DROSHA: variants seen among roughly 807,000 people sequenced by gnomAD.
DROSHA encodes ribonuclease 3.
A neutral mutation model predicts 181.9 loss-of-function variants in DROSHA; 56 were observed. That is an observed-to-expected ratio of 0.31 (90% CI 0.25 to 0.38). The LOEUF (loss-of-function observed/expected upper bound fraction) is 0.38. DROSHA is among the 10% of genes least tolerant of loss of function. The pLI is 1.00. For missense variants in DROSHA, 1,218 were observed against 1,743.5 expected (o/e 0.70, Z 5.37); for synonymous variants, 524 against 591.2 (o/e 0.89, Z 1.65).
chr5:31,428,867 C>T (rs548859460), intron 27 of DROSHA, among the ~76,000 whole-genome samples: 51 of 152,258 alleles, frequency 3.3e-4, no homozygotes, highest in African/African-American at 1.2e-3. Flanking sequence ...TACTCTATTA[C>T]ATGCAGGATT....
chr5:31,421,215 T>C, intron 30 of DROSHA, 57 bp downstream of exon 30: 4 of 1,372,312 alleles, frequency 2.9e-6, no homozygotes, highest in Non-Finnish European at 4.2e-6. Context: ...TTGACCCCTC[T>C]AATCTTCACT....
intron 11 of DROSHA, among the ~76,000 whole-genome samples, chr5:31,501,056 C>G (rs1341931282): frequency 1.3e-5 from 2 of 152,140 alleles, no homozygotes; most frequent in African/African-American, 4.8e-5. Flanking sequence ...GTGGCCAGAT[C>G]CCAGGAGGAA....
intron 14 of DROSHA, among the ~76,000 whole-genome samples, chr5:31,486,157 A>T (rs1751725872): frequency 6.6e-6 from 1 of 152,206 alleles, no homozygotes; most frequent in Non-Finnish European, 1.5e-5. Flanking sequence ...CAGCTATCAG[A>T]TTGTTTCACT....
At chr5:31,511,717 A>AAGAAACATT (rs1476252820) in intron 8 of DROSHA, among the ~76,000 whole-genome samples, 1 of 151,888 alleles carries the variant, frequency 6.6e-6, no homozygotes, top group Non-Finnish European at 1.5e-5. Context: ...AAAAACAGAA[A>AAGAAACATT]AGAAACATTA....
Position 31,452,068 on chromosome 5 carries a change from C to T in DROSHA, c.2575-428G>A, listed in dbSNP as rs1275498502. On this transcript the variant is annotated intron_variant, in intron 20 of 35. Transcript: ENST00000344624. ...TAGCCCTGGTTCTATCAGTATTCAG[C>T]AGGGTAGCTTCGAGTAAGTCACATG... Among the ~76,000 whole-genome samples, 3 of 152,324 alleles carry T rather than the reference C, an allele frequency of 2.0e-5. No individual in the cohort carries two copies. The South Asian group carries it at 6.2e-4, about 32-fold the overall frequency.
intron 18 of DROSHA, among the ~76,000 whole-genome samples, chr5:31,466,927 G>A (rs1323076341): frequency 2.0e-5 from 3 of 152,106 alleles, no homozygotes; most frequent in Non-Finnish European, 4.4e-5. Context: ...GAAATGAAGC[G>A]AATATGCAGT....
At chr5:31,408,117 TTAAA>T (rs1740868043) in intron 33 of DROSHA, among the ~76,000 whole-genome samples, 2 of 152,318 alleles carry the variant, frequency 1.3e-5, no homozygotes, top group East Asian at 3.9e-4. Context: ...GTTGTGACTG[TTAAA>T]TAAAAACATG....
chr5:31,486,770 C>G lies in DROSHA; in HGVS notation c.1843-208G>C, dbSNP rs529427905. The G allele has an allele frequency of 3.5e-5, 17 of 481,802 alleles. No individual in the cohort carries two copies. The South Asian group carries it at 5.4e-4, about 15-fold the overall frequency. The allele number at this position is 481,802 out of a possible 1,614,324, so 29.8% of individuals were successfully genotyped here. A position where few individuals can be genotyped will look rare whatever the true frequency, so the allele number is the denominator to read the frequency against. ...AGCTGGCCTGGCCTCGCCAAGAAAC[C>G]TGCATAATGTGGTGCTTAATTAACA... On this transcript the variant is annotated intron_variant, in intron 13 of 35. Coordinates refer to ENST00000344624, the MANE Select transcript of DROSHA (RefSeq NM_001382508.1).
At chr5:31,439,294 AC>A (rs1745264771) in intron 23 of DROSHA, among the ~76,000 whole-genome samples, 1 of 152,168 alleles carries the variant, frequency 6.6e-6, no homozygotes, top group Non-Finnish European at 1.5e-5. Context: ...GTGCTGTCCC[AC>A]CCTATTCCAC....
Position 31,421,306 on chromosome 5 carries a change from A to T in DROSHA, c.3491T>A (p.Ile1164Asn), listed in dbSNP as rs768758777. The T allele has an allele frequency of 6.2e-7, 1 of 1,613,580 alleles. No individual in the cohort carries two copies. The highest frequency in any genetic ancestry group is 8.5e-7 in the Non-Finnish European group (1 of 1,179,698). Residue 1164 changes from isoleucine to asparagine, a missense_variant, in exon 30 of 36, where the codon ATT becomes AAT. Physicochemically the swap from Ile to Asn is moderately radical, Grantham distance 149. Coordinates refer to ENST00000344624, the MANE Select transcript of DROSHA (RefSeq NM_001382508.1). ...TCCTTCATGATGATCTGGGAAATGA[A>T]TGAATAAGTACTCTGTGGCTACCAG... The part of the protein sequence containing the change: ...MQLVATEYLF[I>N]HFPDHHEGHL...
rs796282944 is a variant in DROSHA, at chr5:31,489,909, G to A, written c.1842+3298C>T. ...TTTTCTTTTTTTGACGCGGAGTTTC[G>A]CTCTTGTCGCCCAGGCTGGAGTGCG... On this transcript the variant is annotated intron_variant, in intron 13 of 35. Coordinates refer to ENST00000344624, the MANE Select transcript of DROSHA (RefSeq NM_001382508.1). 2.7e-3 allele frequency among the ~76,000 whole-genome samples: 26 copies of A among 9,462 alleles called. 1 individual carries two copies. The highest frequency in any genetic ancestry group is 0.01 in the Admixed American group (4 of 398). The allele number at this position is 9,462 out of a possible 152,430, so 6.2% of individuals were successfully genotyped here.
intron 23 of DROSHA, among the ~76,000 whole-genome samples, chr5:31,447,184 C>T (rs367618590): frequency 6.6e-6 from 1 of 152,116 alleles, no homozygotes; most frequent in Admixed American, 6.5e-5. Flanking sequence ...CCAAATACCA[C>T]AGGTTACATG....
Position 31,515,138 on chromosome 5 carries a change from T to C in DROSHA, c.1140A>G (p.Lys380=), listed in dbSNP as rs202183936. The C allele has an allele frequency of 6.8e-6, 11 of 1,614,004 alleles. No homozygotes were observed. The Admixed American group carries it at 8.3e-5, about 12-fold the overall frequency. ...CCTTGATTGAGGTATAGTTCTTGTCTTTGCCAGAACTCTGGTTGTCACTCC... is the reference window on the plus strand; with the variant it reads ...CCTTGATTGAGGTATAGTTCTTGTCCTTGCCAGAACTCTGGTTGTCACTCC... The part of the protein sequence containing the change: ...DRWSDNQSSG[K]DKNYTSIKEK... The change falls in exon 8 of 36, where the codon AAA becomes AAG. Residue 380 remains lysine, a synonymous_variant. Transcript: ENST00000344624.
intron 27 of DROSHA, among the ~76,000 whole-genome samples, chr5:31,427,729 G>A (rs1290113167): frequency 6.6e-6 from 1 of 152,190 alleles, no homozygotes; most frequent in Admixed American, 6.5e-5. Flanking sequence ...CAATCAACCT[G>A]ACTTTGTTGC....
chr5:31,528,984 T>C, intron 4 of DROSHA, 56 bp downstream of exon 4: 1 of 1,606,334 alleles, frequency 6.2e-7, no homozygotes, highest in Non-Finnish European at 8.5e-7. Flanking sequence ...CCAGCACCAA[T>C]GTCTGCTCCT....
chr5:31,482,641 G>A (rs1165390713), intron 16 of DROSHA, among the ~76,000 whole-genome samples: 2 of 152,086 alleles, frequency 1.3e-5, no homozygotes, highest in East Asian at 3.9e-4. Context: ...AGTTCACCAG[G>A]CTGGTAACAG....
chr5:31,458,883 C>A (rs1372143862), intron 20 of DROSHA, among the ~76,000 whole-genome samples: 1 of 152,136 alleles, frequency 6.6e-6, no homozygotes, highest in African/African-American at 2.4e-5. Flanking sequence ...GTAAATGACA[C>A]CAGAAAGTTG....
intron 20 of DROSHA, among the ~76,000 whole-genome samples, chr5:31,460,075 T>C (rs1026273148): frequency 2.0e-5 from 3 of 152,168 alleles, no homozygotes; most frequent in African/African-American, 7.2e-5. Context: ...CTACAGAAGA[T>C]ACCAATTTAA....
intron 8 of DROSHA, among the ~76,000 whole-genome samples, chr5:31,513,508 TA>T: frequency 6.6e-6 from 1 of 152,342 alleles, no homozygotes; most frequent in African/African-American, 2.4e-5. Context: ...TCAGGCACCG[TA>T]AAGTGCACAG....
Sources: gnomAD v4.1 joint callset for allele counts (sites outside exome capture counted in the v4.1 genomes callset) on GRCh38, gnomAD v4.1.1 for gene constraint, MANE v1.5 for transcripts, NCBI Gene and HGNC (gene_info 2026-07-23, HGNC 2026-07-21) for gene names.